Variants in ARAP2 observed in about 807,000 individuals in gnomAD.
ARAP2 encodes the protein ArfGAP with RhoGAP domain, ankyrin repeat and PH domain 2.
Under a neutral mutation model 194.5 loss-of-function variants are expected in ARAP2, and 148 were observed. The observed-to-expected ratio is 0.76, with a 90% CI of 0.67 to 0.87. The LOEUF (loss-of-function observed/expected upper bound fraction) is 0.87, where lower values mean the gene tolerates loss of function less well. Among genes scored for constraint, ARAP2 ranks in the 40% least tolerant of loss-of-function variants. The probability of loss-of-function intolerance (pLI) is 0.00; values close to 1 mark genes in which losing one functional copy is unlikely to be tolerated. For synonymous variants in ARAP2, 695 were observed against 683.5 expected, an observed-to-expected ratio of 1.02 and a Z score of -0.26; for missense variants, 2,128 against 1,989.7, an observed-to-expected ratio of 1.07 and a Z score of -1.32.
At chr4:36,019,416 C>T (rs1207297459) in intron 5 of ARAP2, 1 of 149,398 alleles carries the variant, frequency 6.7e-6, no homozygotes, top group Non-Finnish European at 1.5e-5. Flanking sequence ...TAGTTCAAAT[C>T]TCACAGAGCT....
intron 31 of ARAP2, among the ~76,000 whole-genome samples, chr4:36,075,675 A>C (rs1247548095): frequency 6.6e-6 from 1 of 152,108 alleles, no homozygotes; most frequent in Non-Finnish European, 1.5e-5. Context: ...CCTTGTAAAT[A>C]TCTTCAAGTT....
chr4:36,177,767 A>C (rs940365548), intron 9 of ARAP2, 60 bp downstream of exon 9: 3 of 1,459,318 alleles, frequency 2.1e-6, no homozygotes, highest in African/African-American at 1.4e-5. Flanking sequence ...CTTCCAAACA[A>C]AACATAGTTG....
chr4:36,198,820 G>A (rs893138602), intron 6 of ARAP2, among the ~76,000 whole-genome samples: 1 of 152,244 alleles, frequency 6.6e-6, no homozygotes, highest in South Asian at 2.1e-4. Flanking sequence ...AGAGATGCCT[G>A]GCTCTGCAGC....
intron 16 of ARAP2, among the ~76,000 whole-genome samples, chr4:36,149,608 A>G (rs1730465364): frequency 6.6e-6 from 1 of 152,206 alleles, no homozygotes; most frequent in South Asian, 2.1e-4. Context: ...ACATATTAAT[A>G]TGCTGATATA....
rs141576888 is a variant in ARAP2 at position 36,108,112 on chromosome 4, A to G, written c.4157-419T>C. ...CAGTGATGCAATCCTAGCTCACTGTAGCCTCAAACTTCTGAGCTCAGGCTA... is the reference window on the plus strand; with the variant it reads ...CAGTGATGCAATCCTAGCTCACTGTGGCCTCAAACTTCTGAGCTCAGGCTA... On this transcript the variant is annotated intron_variant, in intron 26 of 32. Coordinates refer to ENST00000303965, the MANE Select transcript of ARAP2 (RefSeq NM_015230.4). Among the ~76,000 whole-genome samples, 781 of 151,916 alleles carry G rather than the reference A, an allele frequency of 5.1e-3. 8 individuals carry two copies. The highest frequency in any genetic ancestry group is 0.018 in the African/African-American group (740 of 41,488).
At chr4:36,103,114 C>T (rs1446940981) in intron 27 of ARAP2, among the ~76,000 whole-genome samples, 2 of 151,578 alleles carry the variant, frequency 1.3e-5, no homozygotes, top group Non-Finnish European at 3.0e-5. Flanking sequence ...GTGAATGGCT[C>T]AGCTTTCCAG....
chr4:36,098,277 A>G (rs1715875467), intron 27 of ARAP2, among the ~76,000 whole-genome samples: 1 of 151,966 alleles, frequency 6.6e-6, no homozygotes, highest in Non-Finnish European at 1.5e-5. Flanking sequence ...GCAATCAATC[A>G]TTATTCTTTC....
chr4:36,194,467 A>T (rs1413857771), intron 6 of ARAP2, among the ~76,000 whole-genome samples: 1 of 152,190 alleles, frequency 6.6e-6, no homozygotes, highest in Admixed American at 6.5e-5. Flanking sequence ...TAAAAAATTT[A>T]AAAAATATTA....
intron 3 of ARAP2, among the ~76,000 whole-genome samples, chr4:36,049,190 TAA>T (rs2109245683): frequency 6.6e-6 from 1 of 152,304 alleles, no homozygotes; most frequent in South Asian, 2.1e-4. Context: ...ACTGTGTTTT[TAA>T]AAGTGATAAA....
chr4:36,114,087 T>G, intron 26 of ARAP2, 83 bp downstream of exon 26: 3 of 982,074 alleles, frequency 3.1e-6, no homozygotes, highest in Non-Finnish European at 4.7e-6. Context: ...TGTTAAGACA[T>G]AAAATGTTTA....
chr4:36,047,408 T>A (rs1452005587), intron 3 of ARAP2: 2 of 152,202 alleles, frequency 1.3e-5, no homozygotes, highest in Non-Finnish European at 2.9e-5. Flanking sequence ...GACTTTCCCG[T>A]CTTCATAATT....
intron 3 of ARAP2, among the ~76,000 whole-genome samples, chr4:36,051,055 C>T (rs1326572614): frequency 6.6e-6 from 1 of 152,168 alleles, no homozygotes; most frequent in African/African-American, 2.4e-5. Flanking sequence ...ATGAAGACTT[C>T]ATATTATCAT....
At chr4:36,241,317 T>A (rs1013147020) in intron 1 of ARAP2, among the ~76,000 whole-genome samples, 2 of 152,242 alleles carry the variant, frequency 1.3e-5, no homozygotes, top group Non-Finnish European at 2.9e-5. Context: ...GGTTTATTCC[T>A]ATTGGTTTAG....
At chr4:36,085,402 T>TA (rs1321803678) in intron 28 of ARAP2, among the ~76,000 whole-genome samples, 22 of 152,050 alleles carry the variant, frequency 1.4e-4, no homozygotes, top group Middle Eastern at 3.2e-3. Flanking sequence ...AATGATAAGT[T>TA]AGACAGAAAT....
chr4:36,180,546 G>GT (rs1476766172), intron 8 of ARAP2, among the ~76,000 whole-genome samples: 2 of 152,146 alleles, frequency 1.3e-5, no homozygotes, highest in African/African-American at 4.8e-5. Flanking sequence ...TTAGTTTCAC[G>GT]TAAGATATTC....
chr4:36,063,423 G>A (rs542656233), downstream of ARAP2, among the ~76,000 whole-genome samples: 119 of 150,658 alleles, frequency 7.9e-4, 2 homozygotes, highest in Middle Eastern at 0.014. Flanking sequence ...AAACTTGCAC[G>A]TTGTGCACAT....
chr4:36,164,051 A>C (rs558721615), intron 11 of ARAP2, among the ~76,000 whole-genome samples: 42 of 152,292 alleles, frequency 2.8e-4, no homozygotes, highest in Admixed American at 9.8e-4. Flanking sequence ...ATTCTCACTG[A>C]AGCCTGTATT....
intron 5 of ARAP2, among the ~76,000 whole-genome samples, chr4:36,033,513 A>C (rs548562885): frequency 6.8e-6 from 1 of 146,168 alleles, no homozygotes; most frequent in Admixed American, 6.8e-5. Flanking sequence ...TTTCTTGTAA[A>C]TTGGATTAAG....
chr4:36,010,150 TAA>T (rs2109306750), intron 9 of ARAP2, among the ~76,000 whole-genome samples: 1 of 151,390 alleles, frequency 6.6e-6, no homozygotes, highest in East Asian at 1.9e-4. Flanking sequence ...TAAATAAATA[TAA>T]TTATATGTTG....
Sources: allele counts gnomAD v4.1 joint callset (sites outside exome capture counted in the v4.1 genomes callset), GRCh38; gene constraint gnomAD v4.1.1; transcripts MANE v1.5; gene names NCBI Gene and HGNC (gene_info 2026-07-23, HGNC 2026-07-21).